Variants in KDM4A observed in about 807,000 individuals in gnomAD.
The protein encoded by KDM4A is lysine-specific demethylase 4A.
In KDM4A, 23 loss-of-function variants were observed where a neutral mutation model predicts 127.1. The ratio of observed to expected loss-of-function variants is 0.18; its 90% CI spans 0.13 to 0.26. The LOEUF (loss-of-function observed/expected upper bound fraction) is 0.26. Among genes scored for constraint, KDM4A ranks in the 10% least tolerant of loss-of-function variants. The probability of loss-of-function intolerance (pLI) is 1.00; values close to 1 mark genes in which losing one functional copy is unlikely to be tolerated. For missense variants in KDM4A, 890 were observed against 1,329.1 expected, an observed-to-expected ratio of 0.67 and a Z score of 5.14; for synonymous variants, 443 against 466.5, an observed-to-expected ratio of 0.95 and a Z score of 0.65.
In KDM4A at chr1:43,665,750, T is replaced by C. The variant is rs201943297; in HGVS notation, c.673+5T>C. On this transcript the variant is annotated splice_donor_5th_base_variant and intron_variant, in intron 6 of 21. Coordinates refer to ENST00000372396, the MANE Select transcript of KDM4A (RefSeq NM_014663.3). The stretch of plus-strand genomic sequence containing the variant: ...GGTTGGAACGCCTCGCCAAAGGTAC[T>C]GTGTCTCTTCTGTTTGCTGGATTGG... The C allele has an allele frequency of 1.9e-6, 3 of 1,614,032 alleles. No homozygotes were observed. Among genetic ancestry groups the C allele is most frequent in the East Asian group, 4.5e-5 (2 of 44,868 alleles).
In KDM4A at chr1:43,688,447, T is replaced by C. The variant is rs538452572; in HGVS notation, c.1856-467T>C. On this transcript the variant is annotated intron_variant, in intron 12 of 21. Transcript: ENST00000372396. The surrounding 1 kb of genome is among the most constrained non-coding windows in gnomAD (Gnocchi z 4.4). ...CCAAGGACCATGATATTACAACTTT[T>C]AAGCTTTGCCAATTCCCTGTTATTT... Among the ~76,000 whole-genome samples, 2 of 152,050 alleles carry C rather than the reference T, an allele frequency of 1.3e-5. No homozygotes were observed. Among genetic ancestry groups the C allele is most frequent in the African/African-American group, 4.8e-5 (2 of 41,278 alleles).
intron 10 of KDM4A, among the ~76,000 whole-genome samples, chr1:43,669,852 C>A (rs1021224870): frequency 6.6e-6 from 1 of 151,926 alleles, no homozygotes; most frequent in African/African-American, 2.4e-5. Flanking sequence ...GGGGTTTCAC[C>A]GTGTTGGCCA....
In KDM4A at chr1:43,694,916, G is replaced by C. The variant is rs1458592393; in HGVS notation, c.2670+22G>C. On this transcript the variant is annotated intron_variant, in intron 18 of 21. Coordinates refer to ENST00000372396, the MANE Select transcript of KDM4A (RefSeq NM_014663.3). This position sits in a 1 kb window ranked among gnomAD's most constrained non-coding sequence, Gnocchi z 5.2. ...GGAGGTGAGAGAGGGTGTCATTCTA[G>C]AATCCTCTTGACAGTTTTCATGGTC... The C allele has an allele frequency of 1.9e-6, 3 of 1,578,762 alleles. No homozygotes were observed. Among genetic ancestry groups the C allele is most frequent in the Non-Finnish European group, 2.6e-6 (3 of 1,153,294 alleles).
At position 43,669,448 on chromosome 1, in the gene KDM4A, G is replaced by A. The variant is rs557061310; in HGVS notation, c.1363+149G>A. ...TACTTGGAGTGTGAGAAGTGCTTTG[G>A]GTAGGGATGTACAGGGAGGACTGGA... On this transcript the variant is annotated intron_variant, in intron 10 of 21. Transcript: ENST00000372396. 5.0e-6 allele frequency: 4 copies of A among 808,042 alleles called. No individual in the cohort carries two copies. In the South Asian group the frequency reaches 6.3e-5, roughly 13 times the overall value. The allele number at this position is 808,042 out of a possible 1,614,324, so 50.1% of individuals were successfully genotyped here.
chr1:43,683,987 TAA>T (rs1309041251), intron 12 of KDM4A, among the ~76,000 whole-genome samples, 183 bp downstream of exon 12: 3 of 152,242 alleles, frequency 2.0e-5, no homozygotes, highest in Non-Finnish European at 4.4e-5. Flanking sequence ...GATTCCATTA[TAA>T]GTTTGAGTAT....
chr1:43,667,582 T>G (rs1382092449), intron 8 of KDM4A, among the ~76,000 whole-genome samples, 190 bp from the exon 9 acceptor site: 2 of 152,134 alleles, frequency 1.3e-5, no homozygotes, highest in African/African-American at 4.8e-5. Context: ...GCTCTCTGCC[T>G]TTTTTTCCCT....
chr1:43,687,910 T>C (rs1247506913), intron 12 of KDM4A, among the ~76,000 whole-genome samples: 2 of 152,156 alleles, frequency 1.3e-5, no homozygotes, highest in African/African-American at 4.8e-5. Flanking sequence ...TATGCCCTGC[T>C]GTCTAGCATA....
chr1:43,697,933 A>G lies in KDM4A; in HGVS notation c.2761A>G (p.Arg921Gly). Residue 921 changes from arginine (R) to glycine (G), a missense_variant, in exon 19 of 22, where the codon AGG (arginine) becomes GGG (glycine). Transcript: ENST00000372396. ...GCGCTTCTACCAGTGTGAAGTGGTCAGGCTCACCACCGAGACCTTCTATGA... is the reference window on the plus strand; with the variant it reads ...GCGCTTCTACCAGTGTGAAGTGGTCGGGCTCACCACCGAGACCTTCTATGA... Reference protein sequence around the residue: ...NGRFYQCEVVRLTTETFYEVN... With the variant: ...NGRFYQCEVVGLTTETFYEVN... 1 of 1,610,748 alleles carries G rather than the reference A, an allele frequency of 6.2e-7. No homozygotes were observed. Among genetic ancestry groups the G allele is most frequent in the Non-Finnish European group, 8.5e-7 (1 of 1,178,762 alleles).
chr1:43,671,386 A>T, intron 10 of KDM4A, 119 bp from the exon 11 acceptor site: 13 of 1,099,014 alleles, frequency 1.2e-5, no homozygotes, highest in Non-Finnish European at 1.6e-5. Context: ...TGACAGAGCC[A>T]GGATTGGAAG....
At position 43,668,029 on chromosome 1, in the gene KDM4A, C is replaced by T. The variant is rs1369366518; in HGVS notation, c.1163+10C>T. ...GAGACCTGAAGACAAGGTAACCCAG[C>T]AGCCCTTTTGTCCTGGCTGCGTGAG... On this transcript the variant is annotated intron_variant, in intron 9 of 21. Transcript: ENST00000372396. The T allele has an allele frequency of 2.5e-6, 4 of 1,613,398 alleles. No homozygotes were observed. The highest frequency in any genetic ancestry group is 1.7e-5 in the Admixed American group (1 of 59,978).
At chr1:43,661,821 G>C (rs1311116232) in intron 4 of KDM4A, among the ~76,000 whole-genome samples, 1 of 151,932 alleles carries the variant, frequency 6.6e-6, no homozygotes, top group African/African-American at 2.4e-5. Flanking sequence ...CTCGGGAAAA[G>C]GATATTCCAC....
intron 18 of KDM4A, among the ~76,000 whole-genome samples, chr1:43,696,366 C>CAA (rs1661238434): frequency 6.6e-6 from 1 of 152,210 alleles, no homozygotes; most frequent in Non-Finnish European, 1.5e-5. Context: ...AGTTTGACAA[C>CAA]AGTGTGGTAA....
intron 3 of KDM4A, among the ~76,000 whole-genome samples, chr1:43,659,661 T>A (rs1242247099): frequency 1.3e-5 from 2 of 152,240 alleles, no homozygotes; most frequent in Non-Finnish European, 2.9e-5. Context: ...TAGGTAGATA[T>A]AAATATGCGT....
At chr1:43,654,091 G>A (rs1057093682) in intron 2 of KDM4A, among the ~76,000 whole-genome samples, 18 of 152,320 alleles carry the variant, frequency 1.2e-4, no homozygotes, top group African/African-American at 3.8e-4. Context: ...GACTTGAGAC[G>A]ACCACATCCT....
intron 11 of KDM4A, among the ~76,000 whole-genome samples, chr1:43,681,461 A>C (rs970739886): frequency 6.6e-6 from 1 of 152,020 alleles, no homozygotes; most frequent in Non-Finnish European, 1.5e-5. Flanking sequence ...TGAATTTCTT[A>C]TTGCCTCCCC....
chr1:43,687,627 C>G lies in KDM4A; in HGVS notation c.1856-1287C>G, dbSNP rs192636066. On this transcript the variant is annotated intron_variant, in intron 12 of 21. Coordinates refer to ENST00000372396, the MANE Select transcript of KDM4A (RefSeq NM_014663.3). Reference sequence around the variant, plus strand: ...TCTGGAGAAACATTTTGGACATCTACCAAAGACTGCGCTCATTTACTTATA... The same window carrying G: ...TCTGGAGAAACATTTTGGACATCTAGCAAAGACTGCGCTCATTTACTTATA... Among the ~76,000 whole-genome samples the G allele has an allele frequency of 6.6e-5, 10 of 152,336 alleles. No individual in the cohort carries two copies. The East Asian group carries it at 7.7e-4, about 12-fold the overall frequency.
At chr1:43,675,528 A>T (rs1244066019) in intron 11 of KDM4A, among the ~76,000 whole-genome samples, 1 of 152,170 alleles carries the variant, frequency 6.6e-6, no homozygotes, top group Non-Finnish European at 1.5e-5. Context: ...CTAAATGCTC[A>T]TGATAACTCA....
chr1:43,669,082 T>C lies in KDM4A; in HGVS notation c.1164-18T>C. ...ATGTATATGTGGGCTCTTAAAAGATTTGCCCTCTCCCTTGCAGCCTGGCCA... is the reference window on the plus strand; with the variant it reads ...ATGTATATGTGGGCTCTTAAAAGATCTGCCCTCTCCCTTGCAGCCTGGCCA... On this transcript the variant is annotated intron_variant, in intron 9 of 21. Transcript: ENST00000372396. 1 of 1,614,004 alleles carries C rather than the reference T, an allele frequency of 6.2e-7. No homozygotes were observed. The highest frequency in any genetic ancestry group is 1.1e-5 in the South Asian group (1 of 91,072).
chr1:43,700,459 T>C (rs1000610144), intron 19 of KDM4A, among the ~76,000 whole-genome samples: 11 of 151,926 alleles, frequency 7.2e-5, no homozygotes, highest in Admixed American at 6.6e-4. Flanking sequence ...TTCAGGTAAT[T>C]GTGTTTATTA....
Sources: allele counts gnomAD v4.1 joint callset (sites outside exome capture counted in the v4.1 genomes callset), GRCh38; gene constraint gnomAD v4.1.1; non-coding constraint Gnocchi (gnomAD v3.1); transcripts MANE v1.5; gene names NCBI Gene and HGNC (gene_info 2026-07-23, HGNC 2026-07-21).